TEAD3: variants seen among roughly 807,000 people sequenced by gnomAD.
TEAD3 encodes TEA domain transcription factor 3.
Under a neutral mutation model 55.6 loss-of-function variants are expected in TEAD3, and 15 were observed. The ratio of observed to expected loss-of-function variants is 0.27; its 90% CI spans 0.18 to 0.42. TEAD3 has a LOEUF of 0.42. Among genes scored for constraint, TEAD3 ranks in the 10% least tolerant of loss-of-function variants. The probability of loss-of-function intolerance (pLI) is 1.00; values close to 1 mark genes in which losing one functional copy is unlikely to be tolerated. For missense variants in TEAD3, 407 were observed against 576.8 expected, an observed-to-expected ratio of 0.71 and a Z score of 3.01; for synonymous variants, 210 against 232.2, an observed-to-expected ratio of 0.90 and a Z score of 0.87.
chr6:35,486,684 T>C lies in TEAD3; in HGVS notation c.-22A>G. 1 of 1,608,232 alleles carries C rather than the reference T, an allele frequency of 6.2e-7. No individual in the cohort carries two copies. The highest frequency in any genetic ancestry group is 8.5e-7 in the Non-Finnish European group (1 of 1,177,692). ...CTATTGTGCTGGTTGCTCTGGGCTC[T>C]GGGCCTGAGCCCACTGGGCGGCTGA... is the stretch of plus-strand genomic sequence containing the variant. On this transcript the variant is annotated 5_prime_UTR_variant, in exon 2 of 13. Coordinates refer to ENST00000639578, the Ensembl canonical transcript of TEAD3. This position sits in a 1 kb window ranked among gnomAD's most constrained non-coding sequence, Gnocchi z 7.3.
chr6:35,492,262 G>A (rs561920842), intron 1 of TEAD3, among the ~76,000 whole-genome samples: 1 of 152,206 alleles, frequency 6.6e-6, no homozygotes, highest in African/African-American at 2.4e-5. Context: ...CAGCCGGGGG[G>A]GTCGAGGATG....
rs1768426436 is a variant in TEAD3 at position 35,488,135 on chromosome 6, A to G, written c.-49-1424T>C. ...GCAGGAACTGCCCCAGGAATTACAA[A>G]AAGGGAACTGGTGAGGGAGCAGCAG... On this transcript the variant is annotated intron_variant, in intron 1 of 12. Coordinates refer to ENST00000639578, the Ensembl canonical transcript of TEAD3. This position sits in a 1 kb window ranked among gnomAD's most constrained non-coding sequence, Gnocchi z 4.2. Among the ~76,000 whole-genome samples, 1 of 152,176 alleles carries G rather than the reference A, an allele frequency of 6.6e-6. No homozygotes were observed. The highest frequency in any genetic ancestry group is 1.5e-5 in the Non-Finnish European group (1 of 68,020).
At chr6:35,493,825 G>T (rs1346405951) in intron 1 of TEAD3, among the ~76,000 whole-genome samples, 1 of 152,204 alleles carries the variant, frequency 6.6e-6, no homozygotes, top group Non-Finnish European at 1.5e-5. Flanking sequence ...TCCTTCACAC[G>T]CAGGTCACTT....
rs569876180 is a variant in TEAD3 at position 35,484,364 on chromosome 6, G to A, written c.267+196C>T. Among the ~76,000 whole-genome samples, 2 of 152,260 alleles carry A rather than the reference G, an allele frequency of 1.3e-5. No individual in the cohort carries two copies. Among genetic ancestry groups the A allele is most frequent in the Non-Finnish European group, 2.9e-5 (2 of 68,026 alleles). ...TGGGGCCATCTCTCCAAGAGAAGTG[G>A]GAAGGGTGAATGGAGCTGCTTGGGG... On this transcript the variant is annotated intron_variant, in intron 3 of 12. Transcript: ENST00000639578. This position sits in a 1 kb window ranked among gnomAD's most constrained non-coding sequence, Gnocchi z 5.8.
intron 4 of TEAD3, among the ~76,000 whole-genome samples, chr6:35,479,672 A>T (rs1768228010): frequency 6.6e-6 from 1 of 152,178 alleles, no homozygotes; most frequent in South Asian, 2.1e-4. Flanking sequence ...GGCCTCAGTC[A>T]TGAACCCCAG....
In TEAD3 at chr6:35,479,413, T is replaced by C. The variant is rs539238456; in HGVS notation, c.331-97A>G. ...TGCGCCTACCTCCACCCAGTGCCCA[T>C]GGGTTTTAGCTTCCGAGGAGCCCAA... On this transcript the variant is annotated intron_variant, in intron 4 of 12. Transcript: ENST00000639578. 139 of 1,501,796 alleles carry C rather than the reference T, an allele frequency of 9.3e-5. No individual in the cohort carries two copies. The South Asian group carries it at 1.4e-3, about 15-fold the overall frequency. 93.0% of individuals were successfully genotyped at this position (1,501,796 alleles called of 1,614,324 possible). A position where few individuals can be genotyped will look rare whatever the true frequency, so the allele number is the denominator to read the frequency against.
chr6:35,477,303 G>GA lies in TEAD3; in HGVS notation c.592+7dup. On this transcript the variant is annotated splice_region_variant and intron_variant, in intron 8 of 12. Coordinates refer to ENST00000639578, the Ensembl canonical transcript of TEAD3. ...GCCAAGGGAGAGCACCTCGTGTGGG[G>GA]AACTTACTGCTGAGCGTCGGCGGCA... 1 of 1,609,596 alleles carries GA rather than the reference G, an allele frequency of 6.2e-7. No individual in the cohort carries two copies. Among genetic ancestry groups the GA allele is most frequent in the Non-Finnish European group, 8.5e-7 (1 of 1,179,738 alleles).
intron 4 of TEAD3, 54 bp from the exon 5 acceptor site, chr6:35,479,370 T>C: frequency 1.2e-6 from 2 of 1,610,886 alleles, no homozygotes; most frequent in Non-Finnish European, 8.5e-7. Flanking sequence ...ACCAGGGCTG[T>C]GGGCTGAGGG....
chr6:35,476,143 C>CG (rs141298110), intron 9 of TEAD3, 51 bp from the exon 10 acceptor site: 3 of 1,534,502 alleles, frequency 2.0e-6, no homozygotes, highest in African/African-American at 2.7e-5. Context: ...CTTGCAGGCC[C>CG]GGGGGCGGGG....
At chr6:35,487,713 C>T (rs1416956411) in intron 1 of TEAD3, among the ~76,000 whole-genome samples, 1 of 150,984 alleles carries the variant, frequency 6.6e-6, no homozygotes, top group African/African-American at 2.5e-5. Flanking sequence ...ACAGAGCAGA[C>T]CTTGTCTCAA....
At chr6:35,494,057 A>G (rs759834314) in intron 1 of TEAD3, among the ~76,000 whole-genome samples, 3 of 152,306 alleles carry the variant, frequency 2.0e-5, no homozygotes, top group Non-Finnish European at 2.9e-5. Flanking sequence ...TCACAAAGCC[A>G]CAGTTTCTCT....
Position 35,483,729 on chromosome 6 carries a change from T to C in TEAD3, c.267+831A>G, listed in dbSNP as rs754485609. ...GCCCACCGCTGCCCCTTGGGGAACC[T>C]GTCCCCCATGTCTCCTGCTGAGTGT... On this transcript the variant is annotated intron_variant, in intron 3 of 12. Transcript: ENST00000639578. This position sits in a 1 kb window ranked among gnomAD's most constrained non-coding sequence, Gnocchi z 4.5. Among the ~76,000 whole-genome samples, 50 of 152,154 alleles carry C rather than the reference T, an allele frequency of 3.3e-4. No individual in the cohort carries two copies. Among genetic ancestry groups the C allele is most frequent in the Non-Finnish European group, 1.8e-4 (12 of 68,020 alleles).
At position 35,484,661 on chromosome 6, in the gene TEAD3, A is replaced by G. The variant is rs1240909950; in HGVS notation, c.203-37T>C. 6.4e-7 allele frequency: 1 copy of G among 1,558,618 alleles called. No homozygotes were observed. The highest frequency in any genetic ancestry group is 1.9e-5 in the Admixed American group (1 of 52,352). ...TGAGAGAGAAAATGAGGAGTGGGCA[A>G]AGGGTGGAGCCAGAGGCTGGAGGCC... is the stretch of plus-strand genomic sequence containing the variant. On this transcript the variant is annotated intron_variant, in intron 2 of 12. Transcript: ENST00000639578. This position sits in a 1 kb window ranked among gnomAD's most constrained non-coding sequence, Gnocchi z 5.8.
Position 35,486,568 on chromosome 6 carries a change from T to G in TEAD3, c.95A>C (p.Glu32Ala). 6.2e-7 allele frequency: 1 copy of G among 1,613,582 alleles called. No homozygotes were observed. The highest frequency in any genetic ancestry group is 8.5e-7 in the Non-Finnish European group (1 of 1,179,788). Reference sequence around the variant, plus strand: ...CTCGATGTCCGGGCTCCACACGCCCTCCGCATCGTTGTCCAGCCCCTTGTC... The same window carrying G: ...CTCGATGTCCGGGCTCCACACGCCCGCCGCATCGTTGTCCAGCCCCTTGTC... Residue 32 changes from glutamate (E) to alanine (A), a missense_variant, in exon 2 of 13, where the codon GAG becomes GCG. Physicochemically the swap from Glu to Ala is moderately radical, Grantham distance 107. Coordinates refer to ENST00000639578, the Ensembl canonical transcript of TEAD3. The surrounding 1 kb of genome is among the most constrained non-coding windows in gnomAD (Gnocchi z 7.3).
At chr6:35,492,083 G>A (rs116766842) in intron 1 of TEAD3, among the ~76,000 whole-genome samples, 4,283 of 152,322 alleles carry the variant, frequency 0.028, 76 homozygotes, top group African/African-American at 0.045. Context: ...GGGAGGACGA[G>A]CTGAGCTGTG....
intron 1 of TEAD3, among the ~76,000 whole-genome samples, chr6:35,492,368 C>T (rs1441123109): frequency 6.6e-6 from 1 of 152,010 alleles, no homozygotes; most frequent in Non-Finnish European, 1.5e-5. Context: ...AGCTGTTCTC[C>T]AGCTGCCAGA....
chr6:35,486,613 T>C lies in TEAD3; in HGVS notation c.50A>G (p.Glu17Gly), dbSNP rs772605339. The C allele has an allele frequency of 1.2e-5, 19 of 1,613,098 alleles. No individual in the cohort carries two copies. Among genetic ancestry groups the C allele is most frequent in the Non-Finnish European group, 1.5e-5 (18 of 1,179,758 alleles). ...CTTGTCCAGGCCCTCGGGCCCATCC[T>C]CCCGGGCCTCCCCGGGGCTGCTGCT... The change falls in exon 2 of 13, where the codon GAG (glutamate) becomes GGG (glycine). Residue 17 changes from glutamate to glycine, a missense_variant. Coordinates refer to ENST00000639578, the Ensembl canonical transcript of TEAD3. The surrounding 1 kb of genome is among the most constrained non-coding windows in gnomAD (Gnocchi z 7.3).
At chr6:35,479,849 G>A (rs1420542107) in intron 4 of TEAD3, among the ~76,000 whole-genome samples, 5 of 152,254 alleles carry the variant, frequency 3.3e-5, no homozygotes, top group Non-Finnish European at 1.5e-5. Context: ...AAACAGAGAA[G>A]AGGAGGGGTG....
rs1195526027 is a variant in TEAD3, at chr6:35,475,797, C to G, written c.901-91G>C. 1 of 1,508,478 alleles carries G rather than the reference C, an allele frequency of 6.6e-7. No individual in the cohort carries two copies. Among genetic ancestry groups the G allele is most frequent in the East Asian group, 2.3e-5 (1 of 43,878 alleles). The allele number at this position is 1,508,478 out of a possible 1,614,324, so 93.4% of individuals were successfully genotyped here. On this transcript the variant is annotated intron_variant, in intron 10 of 12. Transcript: ENST00000639578. The surrounding 1 kb of genome is among the most constrained non-coding windows in gnomAD (Gnocchi z 5.4). ...CAGAGTCCTGCCCAAGGATCCATCTCTGGCACTCTGCCCACAAGCCATGAG... is the reference window on the plus strand; with the variant it reads ...CAGAGTCCTGCCCAAGGATCCATCTGTGGCACTCTGCCCACAAGCCATGAG...
Sources: allele counts gnomAD v4.1 joint callset (sites outside exome capture counted in the v4.1 genomes callset), GRCh38; gene constraint gnomAD v4.1.1; non-coding constraint Gnocchi (gnomAD v3.1); transcripts MANE v1.5; gene names NCBI Gene and HGNC (gene_info 2026-07-23, HGNC 2026-07-21).